Variants in SYN3 observed in about 807,000 individuals in gnomAD.
The protein encoded by SYN3 is synapsin-3.
Under a neutral mutation model 65.8 loss-of-function variants are expected in SYN3, and 35 were observed. The observed-to-expected ratio is 0.53, with a 90% CI of 0.41 to 0.70. The LOEUF is 0.70. SYN3 is among the 30% of genes least tolerant of loss of function. SYN3 has a pLI of 0.00. For missense variants in SYN3, 680 were observed against 749.0 expected (o/e 0.91, Z 1.08); for synonymous variants, 270 against 292.9 (o/e 0.92, Z 0.80).
chr22:32,544,037 C>T (rs143688493), intron 7 of SYN3, among the ~76,000 whole-genome samples: 36 of 152,300 alleles, frequency 2.4e-4, no homozygotes, highest in African/African-American at 8.4e-4. Flanking sequence ...TTCCTGAGCT[C>T]AAGCAATTCT....
intron 3 of SYN3, among the ~76,000 whole-genome samples, chr22:32,955,665 G>C (rs1277018829): frequency 6.6e-6 from 1 of 152,080 alleles, no homozygotes; most frequent in Non-Finnish European, 1.5e-5. Flanking sequence ...ACTTGTGATG[G>C]TTAATACTGA....
intron 2 of SYN3, among the ~76,000 whole-genome samples, chr22:32,986,818 G>A (rs2145687903): frequency 6.6e-6 from 1 of 152,226 alleles, no homozygotes; most frequent in South Asian, 2.1e-4. Context: ...TGGCCTGGGG[G>A]AGCTCTGGAT....
At chr22:32,740,180 C>T (rs2061387026) in intron 6 of SYN3, among the ~76,000 whole-genome samples, 1 of 152,158 alleles carries the variant, frequency 6.6e-6, no homozygotes, top group Admixed American at 6.5e-5. Context: ...ATGGAACTTG[C>T]ACCAACAGGT....
At chr22:32,813,756 G>A (rs925047671) in intron 6 of SYN3, among the ~76,000 whole-genome samples, 4 of 151,170 alleles carry the variant, frequency 2.6e-5, no homozygotes, top group Non-Finnish European at 5.9e-5. Context: ...CTCAAACCTT[G>A]GCCTCGTTCA....
intron 6 of SYN3, among the ~76,000 whole-genome samples, chr22:32,655,692 C>T (rs1182292978): frequency 6.6e-6 from 1 of 152,246 alleles, no homozygotes; most frequent in East Asian, 1.9e-4. Flanking sequence ...CCCATCACCC[C>T]CAGATGGGAC....
chr22:32,510,844 A>C lies in SYN3; in HGVS notation c.*2848T>G, dbSNP rs2057682678. On this transcript the variant is annotated 3_prime_UTR_variant, in exon 14 of 14. Coordinates refer to ENST00000358763, the MANE Select transcript of SYN3 (RefSeq NM_003490.4). ...TTCTGGTTCTTTCATCGTGTGACTT[A>C]TACTAGTGATCCCTATCTTCTTGGG... Among the ~76,000 whole-genome samples, 1 of 152,012 alleles carries C rather than the reference A, an allele frequency of 6.6e-6. No homozygotes were observed. Among genetic ancestry groups the C allele is most frequent in the Non-Finnish European group, 1.5e-5 (1 of 68,010 alleles).
intron 6 of SYN3, among the ~76,000 whole-genome samples, chr22:32,785,310 T>C (rs1231328873): frequency 1.3e-5 from 2 of 152,134 alleles, no homozygotes; most frequent in East Asian, 3.9e-4. Flanking sequence ...GCCATTTTTT[T>C]CCTTGTGAGT....
chr22:32,536,743 T>C (rs1158842247), intron 9 of SYN3, among the ~76,000 whole-genome samples: 1 of 152,184 alleles, frequency 6.6e-6, no homozygotes, highest in East Asian at 1.9e-4. Flanking sequence ...AGCCACTGTG[T>C]GCCACCATGA....
At chr22:32,849,595 G>A (rs766582202) in intron 6 of SYN3, 84 of 1,457,238 alleles carry the variant, frequency 5.8e-5, no homozygotes, top group Non-Finnish European at 7.4e-5. Flanking sequence ...GAAGAGTCCT[G>A]GCTAAGGGAG....
chr22:33,042,049 AT>A (rs774330595), intron 1 of SYN3, among the ~76,000 whole-genome samples: 2 of 152,168 alleles, frequency 1.3e-5, no homozygotes, highest in East Asian at 3.8e-4. Context: ...TTGGAAGCTG[AT>A]TAGGTCACAA....
intron 6 of SYN3, among the ~76,000 whole-genome samples, chr22:32,718,648 A>T (rs552817376): frequency 1.2e-4 from 18 of 151,112 alleles, no homozygotes; most frequent in African/African-American, 4.4e-4. Context: ...AGTGAAACTG[A>T]CCAAAAAAAA....
intron 1 of SYN3, among the ~76,000 whole-genome samples, chr22:33,037,739 G>A (rs1223537145): frequency 2.6e-5 from 4 of 152,152 alleles, no homozygotes; most frequent in Non-Finnish European, 5.9e-5. Context: ...TACCACTCCT[G>A]CCTGCTTGCC....
intron 6 of SYN3, among the ~76,000 whole-genome samples, chr22:32,754,633 G>A (rs993792182): frequency 6.6e-6 from 1 of 152,084 alleles, no homozygotes; most frequent in African/African-American, 2.4e-5. Context: ...TCCTCCACCC[G>A]GCTCCCCCTT....
chr22:32,812,454 T>C (rs2046940361), intron 6 of SYN3, among the ~76,000 whole-genome samples: 1 of 152,198 alleles, frequency 6.6e-6, no homozygotes, highest in Non-Finnish European at 1.5e-5. Flanking sequence ...ACTTAGTCGA[T>C]GGCTAGAATT....
At chr22:32,858,350 C>T (rs2048436076) in intron 6 of SYN3, among the ~76,000 whole-genome samples, 1 of 152,190 alleles carries the variant, frequency 6.6e-6, no homozygotes, top group Non-Finnish European at 1.5e-5. Flanking sequence ...TGCCTTTCTG[C>T]TGTAATCGGC....
At chr22:32,596,599 A>G (rs565704945) in intron 7 of SYN3, 75 bp downstream of exon 7, 15 of 1,499,788 alleles carry the variant, frequency 1.0e-5, no homozygotes, top group Non-Finnish European at 1.4e-5. Flanking sequence ...GATGGGTGAC[A>G]GAGGGAGAGA....
At chr22:32,949,723 G>A (rs1405964094) in intron 3 of SYN3, among the ~76,000 whole-genome samples, 6 of 152,266 alleles carry the variant, frequency 3.9e-5, no homozygotes, top group East Asian at 1.9e-4. Context: ...TTGCATTTGC[G>A]ATGATAATCA....
chr22:32,823,461 G>C (rs1218495876), intron 6 of SYN3, among the ~76,000 whole-genome samples: 3 of 152,152 alleles, frequency 2.0e-5, no homozygotes, highest in Non-Finnish European at 4.4e-5. Context: ...CAGAAACCAG[G>C]ATGCAGTGGG....
chr22:33,001,865 A>T (rs1200637687), intron 2 of SYN3, among the ~76,000 whole-genome samples: 1 of 152,188 alleles, frequency 6.6e-6, no homozygotes. Context: ...TATTCTTAAC[A>T]TTGCACCATA....
Sources: allele counts gnomAD v4.1 joint callset (sites outside exome capture counted in the v4.1 genomes callset), GRCh38; gene constraint gnomAD v4.1.1; transcripts MANE v1.5; gene names NCBI Gene and HGNC (gene_info 2026-07-23, HGNC 2026-07-21).